SULT2B1: variants seen among roughly 807,000 people sequenced by gnomAD.
SULT2B1 encodes the protein sulfotransferase 2B1.
A neutral mutation model predicts 33.2 loss-of-function variants in SULT2B1; 16 were observed. The ratio of observed to expected loss-of-function variants is 0.48; its 90% CI spans 0.33 to 0.73. SULT2B1 has a LOEUF of 0.73. Ranked by LOEUF, SULT2B1 falls within the 30% of genes least tolerant of loss-of-function variation. The pLI, the probability that SULT2B1 is intolerant of heterozygous loss-of-function variation, is 0.02. For synonymous variants in SULT2B1, 186 were observed against 200.5 expected (o/e 0.93, Z 0.61); for missense variants, 500 against 506.0 (o/e 0.99, Z 0.11).
chr19:48,568,285 CAA>C (rs1325928170), intron 1 of SULT2B1, among the ~76,000 whole-genome samples: 1,537 of 82,472 alleles, frequency 0.019, 24 homozygotes, highest in African/African-American at 0.049. Flanking sequence ...GACTCCATCT[CAA>C]AAAAAAAAAA....
intron 2 of SULT2B1, among the ~76,000 whole-genome samples, chr19:48,576,803 G>A (rs1973418478): frequency 6.6e-6 from 1 of 151,086 alleles, no homozygotes; most frequent in South Asian, 2.1e-4. Context: ...ACCATGCCTG[G>A]CTAACTTTTG....
intron 1 of SULT2B1, among the ~76,000 whole-genome samples, chr19:48,560,975 A>G (rs971632662): frequency 1.3e-5 from 2 of 150,510 alleles, no homozygotes; most frequent in African/African-American, 4.9e-5. Context: ...AAATAAAAAA[A>G]ATAAAAATTA....
chr19:48,592,628 T>G, intron 4 of SULT2B1, 94 bp from the exon 5 acceptor site: 1 of 1,082,608 alleles, frequency 9.2e-7, no homozygotes, highest in Non-Finnish European at 1.4e-6. Context: ...GACCTGGGGG[T>G]TTGTGGGGCA....
At chr19:48,575,061 G>A (rs1390949716) in intron 1 of SULT2B1, among the ~76,000 whole-genome samples, 1 of 139,442 alleles carries the variant, frequency 7.2e-6, no homozygotes, top group Non-Finnish European at 1.5e-5. Context: ...TTAACTCAAA[G>A]TTATGGAATG....
chr19:48,563,855 C>T (rs1973209856), intron 1 of SULT2B1, among the ~76,000 whole-genome samples: 1 of 151,842 alleles, frequency 6.6e-6, no homozygotes. Context: ...ATCCCAGCTA[C>T]TCGGGAGGCT....
intron 1 of SULT2B1, among the ~76,000 whole-genome samples, chr19:48,568,897 G>A (rs561300242): frequency 2.0e-5 from 3 of 151,764 alleles, no homozygotes; most frequent in African/African-American, 7.2e-5. Flanking sequence ...ACTTCTTTGC[G>A]CTCACTCTTC....
At chr19:48,580,482 A>G (rs1225436618) in intron 2 of SULT2B1, among the ~76,000 whole-genome samples, 1 of 151,294 alleles carries the variant, frequency 6.6e-6, no homozygotes, top group Non-Finnish European at 1.5e-5. Context: ...CTGGTTTCAA[A>G]CTCCTCACCT....
chr19:48,563,162 GC>G (rs1481114741), intron 1 of SULT2B1, among the ~76,000 whole-genome samples: 1 of 152,050 alleles, frequency 6.6e-6, no homozygotes, highest in Non-Finnish European at 1.5e-5. Context: ...CCATTCTCCC[GC>G]CTTGGCTTCC....
chr19:48,569,367 T>A (rs1470033086), intron 1 of SULT2B1, among the ~76,000 whole-genome samples: 635 of 11,884 alleles, frequency 0.053, 7 homozygotes, highest in Non-Finnish European at 0.08. Context: ...AAAAAACATA[T>A]ATATATATAT....
rs59055065 is a variant in SULT2B1 at position 48,576,357 on chromosome 19, C to CTTTTTTTT, written c.214+275_214+276insTTTTTTTT. 7.0e-5 allele frequency among the ~76,000 whole-genome samples: 8 copies of CTTTTTTTT among 114,874 alleles called. 1 individual carries two copies. The highest frequency in any genetic ancestry group is 4.9e-4 in the East Asian group (2 of 4,104). The allele number at this position is 114,874 out of a possible 152,430, so 75.4% of individuals were successfully genotyped here. The stretch of plus-strand genomic sequence containing the variant: ...TCCCTTTCCCCTTTACCCTCTACTT[C>CTTTTTTTT]TCTTTTTTTTTTTTTTTTTTGTAGA... On this transcript the variant is annotated intron_variant, in intron 2 of 6. Coordinates refer to ENST00000201586, the MANE Select transcript of SULT2B1 (RefSeq NM_177973.2).
At chr19:48,585,454 G>A (rs542997107) in intron 2 of SULT2B1, among the ~76,000 whole-genome samples, 1 of 152,062 alleles carries the variant, frequency 6.6e-6, no homozygotes, top group Non-Finnish European at 1.5e-5. Flanking sequence ...GATCACTGGA[G>A]GTCAAGAGTT....
intron 1 of SULT2B1, among the ~76,000 whole-genome samples, chr19:48,572,756 G>A (rs1247044648): frequency 6.6e-6 from 1 of 152,034 alleles, no homozygotes; most frequent in African/African-American, 2.4e-5. Flanking sequence ...GGCCCACAGG[G>A]AGAGGAGAAG....
Position 48,552,309 on chromosome 19 carries a change from C to A in SULT2B1, c.57C>A (p.Asp19Glu). 1 of 1,614,038 alleles carries A rather than the reference C, an allele frequency of 6.2e-7. No individual in the cohort carries two copies. Among genetic ancestry groups the A allele is most frequent in the Non-Finnish European group, 8.5e-7 (1 of 1,179,954 alleles). Residue 19 changes from aspartate to glutamate, a missense_variant, in exon 1 of 7, where the codon GAC (aspartate) becomes GAA (glutamate). Physicochemically the swap from Asp to Glu is conservative, Grantham distance 45. Transcript: ENST00000201586. The surrounding 1 kb of genome is among the most constrained non-coding windows in gnomAD (Gnocchi z 4.8). ...GCTTGTGGGACACCTATGAAGATGA[C>A]ATCTCGGAAATCAGGTGAGGCCCAG... is the stretch of plus-strand genomic sequence containing the variant. ...IPGLWDTYED[D>E]ISEISQKLPG...
intron 5 of SULT2B1, among the ~76,000 whole-genome samples, chr19:48,593,633 A>T (rs1390876381): frequency 6.6e-6 from 1 of 151,672 alleles, no homozygotes; most frequent in African/African-American, 2.4e-5. Flanking sequence ...TATTTTATTT[A>T]ATTAATTTAT....
At chr19:48,586,307 T>G (rs10419482) in intron 2 of SULT2B1, among the ~76,000 whole-genome samples, 28,966 of 152,202 alleles carry the variant, frequency 0.19, 3,542 homozygotes, top group African/African-American at 0.34. Flanking sequence ...TTTGTTTCTT[T>G]TTCCTATAAA....
At chr19:48,562,281 G>A (rs888715763) in intron 1 of SULT2B1, among the ~76,000 whole-genome samples, 7 of 152,098 alleles carry the variant, frequency 4.6e-5, no homozygotes, top group Admixed American at 2.6e-4. Flanking sequence ...CCAGCTACTC[G>A]GGTGGCTGAG....
At position 48,552,438 on chromosome 19, in the gene SULT2B1, C is replaced by A; in HGVS notation, c.71+115C>A. On this transcript the variant is annotated intron_variant, in intron 1 of 6. Coordinates refer to ENST00000201586, the MANE Select transcript of SULT2B1 (RefSeq NM_177973.2). This position sits in a 1 kb window ranked among gnomAD's most constrained non-coding sequence, Gnocchi z 4.8. ...AGCCACCCGCAGCCGCAGGCCTGGC[C>A]CAGACTTAGCTGGAGGGGCTGGGCT... is the stretch of plus-strand genomic sequence containing the variant. 1 of 1,135,298 alleles carries A rather than the reference C, an allele frequency of 8.8e-7. No individual in the cohort carries two copies. Among genetic ancestry groups the A allele is most frequent in the African/African-American group, 1.6e-5 (1 of 63,710 alleles). 70.3% of individuals were successfully genotyped at this position (1,135,298 alleles called of 1,614,324 possible).
At chr19:48,584,029 T>C (rs986317652) in intron 2 of SULT2B1, among the ~76,000 whole-genome samples, 3 of 151,814 alleles carry the variant, frequency 2.0e-5, no homozygotes, top group Non-Finnish European at 4.4e-5. Flanking sequence ...GGAGAATCAC[T>C]TGAACCCGGG....
intron 1 of SULT2B1, among the ~76,000 whole-genome samples, chr19:48,559,959 T>TAA (rs769845924): frequency 6.7e-5 from 9 of 133,482 alleles, no homozygotes; most frequent in Non-Finnish European, 8.2e-5. Flanking sequence ...CATCTCTCTT[T>TAA]AAAAAAAAAA....
Sources: allele counts gnomAD v4.1 joint callset (sites outside exome capture counted in the v4.1 genomes callset), GRCh38; gene constraint gnomAD v4.1.1; non-coding constraint Gnocchi (gnomAD v3.1); transcripts MANE v1.5; gene names NCBI Gene and HGNC (gene_info 2026-07-23, HGNC 2026-07-21).